TNS3: variants seen among roughly 807,000 people sequenced by gnomAD.
TNS3 encodes tensin 3.
Under a neutral mutation model 140.9 loss-of-function variants are expected in TNS3, and 45 were observed. The observed-to-expected ratio is 0.32, with a 90% CI of 0.25 to 0.41. The LOEUF is 0.41. TNS3 is among the 10% of genes least tolerant of loss of function. TNS3 has a pLI of 1.00. For missense variants in TNS3, 1,716 were observed against 1,906.7 expected, an observed-to-expected ratio of 0.90 and a Z score of 1.86; for synonymous variants, 815 against 788.4, an observed-to-expected ratio of 1.03 and a Z score of -0.56.
At chr7:47,421,615 A>G (rs1820304531) in intron 10 of TNS3, among the ~76,000 whole-genome samples, 1 of 152,104 alleles carries the variant, frequency 6.6e-6, no homozygotes, top group African/African-American at 2.4e-5. Context: ...AAGGCTTCCA[A>G]GTTTAGGGAA....
intron 20 of TNS3, among the ~76,000 whole-genome samples, 171 bp from the exon 21 acceptor site, chr7:47,305,174 C>A (rs563188123): frequency 3.9e-5 from 6 of 152,354 alleles, no homozygotes; most frequent in East Asian, 3.9e-4. Context: ...GAGGAGGCGG[C>A]CAGCCCTGCA....
chr7:47,369,912 T>A (rs546361162), intron 16 of TNS3, among the ~76,000 whole-genome samples: 3 of 152,352 alleles, frequency 2.0e-5, no homozygotes, highest in African/African-American at 7.2e-5. Context: ...TGAATCATCT[T>A]GCCTTTAGGG....
At chr7:47,577,392 G>A (rs533147580) in intron 1 of TNS3, among the ~76,000 whole-genome samples, 22 of 152,346 alleles carry the variant, frequency 1.4e-4, no homozygotes, top group Middle Eastern at 3.4e-3. Context: ...GAAGAGTAAA[G>A]AAAGGCCCAG....
chr7:47,366,272 T>C (rs1331199371), intron 17 of TNS3, among the ~76,000 whole-genome samples: 1 of 152,206 alleles, frequency 6.6e-6, no homozygotes, highest in East Asian at 1.9e-4. Context: ...GTGGTTGCTA[T>C]ACGGCTGTAT....
chr7:47,511,655 G>A (rs1798611633), intron 2 of TNS3, among the ~76,000 whole-genome samples: 1 of 151,804 alleles, frequency 6.6e-6, no homozygotes, highest in Non-Finnish European at 1.5e-5. Context: ...CTCAGAATGG[G>A]GTAAGGACCC....
intron 3 of TNS3, among the ~76,000 whole-genome samples, chr7:47,494,011 C>T (rs1797911557): frequency 6.6e-6 from 1 of 152,236 alleles, no homozygotes; most frequent in Admixed American, 6.5e-5. Flanking sequence ...ACTGCCACCC[C>T]TGTTCACAAA....
intron 13 of TNS3, among the ~76,000 whole-genome samples, chr7:47,410,069 C>T (rs1318418238): frequency 6.6e-6 from 1 of 152,156 alleles, no homozygotes; most frequent in African/African-American, 2.4e-5. Flanking sequence ...TCCAACGATC[C>T]CAGGAAGTGT....
chr7:47,519,999 T>C (rs954549303), intron 2 of TNS3, among the ~76,000 whole-genome samples: 1 of 151,224 alleles, frequency 6.6e-6, no homozygotes, highest in African/African-American at 2.4e-5. Context: ...ATTTTTTGTG[T>C]TTTTTTTAGT....
chr7:47,420,493 C>G (rs1037005150), intron 10 of TNS3, among the ~76,000 whole-genome samples: 3 of 152,162 alleles, frequency 2.0e-5, no homozygotes, highest in African/African-American at 7.2e-5. Flanking sequence ...GGAAGAAACC[C>G]TCAGATAGGC....
At chr7:47,470,876 C>A (rs1292380342) in intron 4 of TNS3, among the ~76,000 whole-genome samples, 6 of 152,100 alleles carry the variant, frequency 3.9e-5, no homozygotes, top group Non-Finnish European at 7.4e-5. Flanking sequence ...CAACCCACCA[C>A]TTTCAAATTC....
In TNS3 at chr7:47,382,391, G is replaced by A. The variant is rs115471832; in HGVS notation, c.1025-12770C>T. Among the ~76,000 whole-genome samples the A allele has an allele frequency of 3.3e-3, 497 of 152,330 alleles. 6 individuals are homozygous for A. The highest frequency in any genetic ancestry group is 0.011 in the African/African-American group (459 of 41,568). On this transcript the variant is annotated intron_variant, in intron 16 of 30. Transcript: ENST00000311160. ...CTTGTTTACGTAGCTGGCAGCCACT[G>A]AGCAGGCAGGCTCAGAACGCTCTCA...
rs780160834 is a variant in TNS3, at chr7:47,297,174, A to G, written c.3584T>C (p.Ile1195Thr). 1.2e-6 allele frequency: 2 copies of G among 1,613,714 alleles called. No homozygotes were observed. Among genetic ancestry groups the G allele is most frequent in the Non-Finnish European group, 1.7e-6 (2 of 1,179,944 alleles). Reference protein sequence around the residue: ...MLKDKEPGSFIVRDSHSFRGA... With the variant: ...MLKDKEPGSFTVRDSHSFRGA... The stretch of plus-strand genomic sequence containing the variant: ...TCGGAAGGAATGGCTGTCTCGAACA[A>G]TGAATGAGCCCGGCTCCTTGTCCTT... Residue 1195 changes from isoleucine (I) to threonine (T), a missense_variant, in exon 24 of 31, where the codon ATT becomes ACT. Transcript: ENST00000311160.
chr7:47,374,733 A>C (rs1443173748), intron 16 of TNS3, among the ~76,000 whole-genome samples: 1 of 152,236 alleles, frequency 6.6e-6, no homozygotes, highest in African/African-American at 2.4e-5. Flanking sequence ...TTAACTGATG[A>C]GAGAATGCTA....
chr7:47,401,201 G>A (rs76459970), intron 13 of TNS3, among the ~76,000 whole-genome samples: 3,660 of 152,246 alleles, frequency 0.024, 64 homozygotes, highest in South Asian at 0.039. Context: ...CACCACTATC[G>A]CTAGTCCTCA....
chr7:47,568,934 T>C (rs1408422046), intron 1 of TNS3, among the ~76,000 whole-genome samples: 1 of 152,262 alleles, frequency 6.6e-6, no homozygotes, highest in African/African-American at 2.4e-5. Flanking sequence ...TCCTCCTCAC[T>C]GTGGCTGTGA....
chr7:47,416,196 A>T (rs569819460), intron 10 of TNS3, among the ~76,000 whole-genome samples: 44 of 152,286 alleles, frequency 2.9e-4, no homozygotes, highest in African/African-American at 9.9e-4. Context: ...ATATTTAACA[A>T]TCTGTGCATC....
intron 17 of TNS3, among the ~76,000 whole-genome samples, chr7:47,360,242 C>T (rs1790236566): frequency 6.6e-6 from 1 of 152,134 alleles, no homozygotes; most frequent in South Asian, 2.1e-4. Flanking sequence ...ATACACATGA[C>T]CTGTTCATAC....
chr7:47,347,533 C>G (rs898186385), intron 17 of TNS3, among the ~76,000 whole-genome samples: 2 of 152,056 alleles, frequency 1.3e-5, no homozygotes, highest in Non-Finnish European at 2.9e-5. Flanking sequence ...GGGGGCTCCA[C>G]TGCCCGACCC....
At chr7:47,343,333 T>C (rs1015732039) in intron 20 of TNS3, among the ~76,000 whole-genome samples, 1 of 152,216 alleles carries the variant, frequency 6.6e-6, no homozygotes, top group East Asian at 1.9e-4. Flanking sequence ...CCACATTCTC[T>C]TATGCTCAAT....
Sources: allele counts gnomAD v4.1 joint callset (sites outside exome capture counted in the v4.1 genomes callset), GRCh38; gene constraint gnomAD v4.1.1; transcripts MANE v1.5; gene names NCBI Gene and HGNC (gene_info 2026-07-23, HGNC 2026-07-21).